PDCD1LG2: variants seen among roughly 807,000 people sequenced by gnomAD.
The protein encoded by PDCD1LG2 is programmed cell death 1 ligand 2.
PDCD1LG2 carries 32 observed loss-of-function variants against 28.2 expected under a neutral mutation model. The observed-to-expected ratio is 1.13, with a 90% CI of 0.86 to 1.52. The LOEUF (loss-of-function observed/expected upper bound fraction) is 1.52. Among genes scored for constraint, PDCD1LG2 ranks in the 40% most tolerant of loss-of-function variants. PDCD1LG2 has a pLI of 0.00. For missense variants in PDCD1LG2, 385 were observed against 323.8 expected, an observed-to-expected ratio of 1.19 and a Z score of -1.45; for synonymous variants, 116 against 120.2, an observed-to-expected ratio of 0.97 and a Z score of 0.23.
At chr9:5,518,243 A>G (rs1482811962) in intron 1 of PDCD1LG2, among the ~76,000 whole-genome samples, 1 of 152,254 alleles carries the variant, frequency 6.6e-6, no homozygotes, top group African/African-American at 2.4e-5. Context: ...TACTCATTGC[A>G]TAAACCATAT....
rs1200282497 is a variant in PDCD1LG2 at position 5,569,950 on chromosome 9, C to G, written c.817-4C>G. 1.2e-6 allele frequency: 2 copies of G among 1,613,716 alleles called. No homozygotes were observed. The highest frequency in any genetic ancestry group is 1.7e-6 in the Non-Finnish European group (2 of 1,179,742). ...TTTTCTTATTTGTGGGCTTTTCTCC[C>G]CAGATCTGAACCTGTGGTCTTGGGA... is the stretch of plus-strand genomic sequence containing the variant. On this transcript the variant is annotated splice_polypyrimidine_tract_variant and splice_region_variant and intron_variant, in intron 6 of 6. Transcript: ENST00000397747. This position sits in a 1 kb window ranked among gnomAD's most constrained non-coding sequence, Gnocchi z 4.1.
At chr9:5,547,885 C>A (rs1351917702) in intron 3 of PDCD1LG2, among the ~76,000 whole-genome samples, 5 of 150,130 alleles carry the variant, frequency 3.3e-5, no homozygotes, top group African/African-American at 1.2e-4. Context: ...TTGCAGTGAG[C>A]CGAGATCACG....
intron 1 of PDCD1LG2, among the ~76,000 whole-genome samples, chr9:5,512,197 T>C (rs1313693561): frequency 6.6e-6 from 1 of 152,210 alleles, no homozygotes; most frequent in East Asian, 1.9e-4. Context: ...TCTTAATTGT[T>C]GCATACGTGG....
chr9:5,543,731 GGT>G (rs1432551322), intron 3 of PDCD1LG2, among the ~76,000 whole-genome samples: 2 of 152,036 alleles, frequency 1.3e-5, no homozygotes, highest in Non-Finnish European at 2.9e-5. Context: ...GAAACAGAAG[GGT>G]GTAAGAAAAT....
chr9:5,561,117 G>A (rs1004742430), intron 5 of PDCD1LG2, among the ~76,000 whole-genome samples: 4 of 152,118 alleles, frequency 2.6e-5, no homozygotes, highest in African/African-American at 9.7e-5. Flanking sequence ...ACTATATGCA[G>A]GTGAGTATGC....
chr9:5,567,345 A>C (rs1816685817), intron 6 of PDCD1LG2, among the ~76,000 whole-genome samples: 1 of 152,224 alleles, frequency 6.6e-6, no homozygotes, highest in Non-Finnish European at 1.5e-5. Flanking sequence ...TAGAACTCAG[A>C]CCCACTGAGT....
intron 2 of PDCD1LG2, among the ~76,000 whole-genome samples, chr9:5,534,258 A>G (rs1820536574): frequency 6.6e-6 from 1 of 152,188 alleles, no homozygotes; most frequent in African/African-American, 2.4e-5. Flanking sequence ...ACAAAAATAT[A>G]TGGATTAATC....
intron 5 of PDCD1LG2, among the ~76,000 whole-genome samples, chr9:5,560,795 C>T (rs1816543396): frequency 6.6e-6 from 1 of 152,144 alleles, no homozygotes; most frequent in African/African-American, 2.4e-5. Flanking sequence ...CCCACCTATA[C>T]CTCAGTGACT....
At chr9:5,512,129 C>A (rs115575749) in intron 1 of PDCD1LG2, among the ~76,000 whole-genome samples, 231 of 152,288 alleles carry the variant, frequency 1.5e-3, no homozygotes, top group African/African-American at 5.2e-3. Flanking sequence ...GGACAGCAAC[C>A]AGTAGATTGT....
At chr9:5,543,413 C>T (rs1339699837) in intron 3 of PDCD1LG2, among the ~76,000 whole-genome samples, 1 of 152,064 alleles carries the variant, frequency 6.6e-6, no homozygotes, top group Non-Finnish European at 1.5e-5. Flanking sequence ...GTGGCAGGCA[C>T]CTGCAGTCGC....
At chr9:5,553,663 C>T (rs1586815934) in intron 4 of PDCD1LG2, among the ~76,000 whole-genome samples, 1 of 152,224 alleles carries the variant, frequency 6.6e-6, no homozygotes, top group Non-Finnish European at 1.5e-5. Context: ...GGCCACTCCA[C>T]TCTCTTCATG....
Position 5,569,934 on chromosome 9 carries a change from T to C in PDCD1LG2, c.817-20T>C. ...AATCATAAAAAATGATTTTTCTTAT[T>C]TGTGGGCTTTTCTCCCCAGATCTGA... On this transcript the variant is annotated intron_variant, in intron 6 of 6. Coordinates refer to ENST00000397747, the MANE Select transcript of PDCD1LG2 (RefSeq NM_025239.4). This position sits in a 1 kb window ranked among gnomAD's most constrained non-coding sequence, Gnocchi z 4.1. 1 of 1,613,312 alleles carries C rather than the reference T, an allele frequency of 6.2e-7. No homozygotes were observed. Among genetic ancestry groups the C allele is most frequent in the Non-Finnish European group, 8.5e-7 (1 of 1,179,396 alleles).
At chr9:5,565,322 CAG>C (rs1816643167) in intron 6 of PDCD1LG2, among the ~76,000 whole-genome samples, 1 of 152,172 alleles carries the variant, frequency 6.6e-6, no homozygotes, top group Non-Finnish European at 1.5e-5. Context: ...GCTGGGACTA[CAG>C]GTGCATGCCA....
At chr9:5,528,029 C>A (rs1820411825) in intron 2 of PDCD1LG2, among the ~76,000 whole-genome samples, 1 of 151,614 alleles carries the variant, frequency 6.6e-6, no homozygotes, top group East Asian at 1.9e-4. Flanking sequence ...GGGGTTTTGC[C>A]ATATTGACCA....
rs544940938 is a variant in PDCD1LG2 at position 5,535,635 on chromosome 9, AT to A, written c.361+595del. ...GTGTGCGTGTTGGGTCATGGTATAA[AT>A]TTTTTTTTTCTTACTTTGGATCATA... On this transcript the variant is annotated intron_variant, in intron 3 of 6. Coordinates refer to ENST00000397747, the MANE Select transcript of PDCD1LG2 (RefSeq NM_025239.4). Among the ~76,000 whole-genome samples, 182 of 150,826 alleles carry A rather than the reference AT, an allele frequency of 1.2e-3. 1 individual carries two copies. The highest frequency in any genetic ancestry group is 3.8e-3 in the South Asian group (18 of 4,748).
intron 1 of PDCD1LG2, among the ~76,000 whole-genome samples, chr9:5,513,674 A>G (rs1345956781): frequency 3.3e-5 from 5 of 152,258 alleles, no homozygotes; most frequent in African/African-American, 1.2e-4. Flanking sequence ...TCTTAAGGCT[A>G]CTGGTAGTCT....
chr9:5,559,123 G>A (rs536665733), intron 5 of PDCD1LG2, among the ~76,000 whole-genome samples: 85 of 152,268 alleles, frequency 5.6e-4, no homozygotes, highest in African/African-American at 1.8e-3. Context: ...AGAATGGAAT[G>A]GAGTCACACT....
intron 4 of PDCD1LG2, among the ~76,000 whole-genome samples, chr9:5,554,900 C>T (rs1476868115): frequency 6.6e-6 from 1 of 152,114 alleles, no homozygotes; most frequent in Non-Finnish European, 1.5e-5. Flanking sequence ...CTCAGTCTCT[C>T]ATGTGTAGCA....
In PDCD1LG2 at chr9:5,569,675, G is replaced by C. The variant is rs1816734354; in HGVS notation, c.817-279G>C. Among the ~76,000 whole-genome samples the C allele has an allele frequency of 6.6e-6, 1 of 152,160 alleles. No homozygotes were observed. On this transcript the variant is annotated intron_variant, in intron 6 of 6. Coordinates refer to ENST00000397747, the MANE Select transcript of PDCD1LG2 (RefSeq NM_025239.4). This position sits in a 1 kb window ranked among gnomAD's most constrained non-coding sequence, Gnocchi z 4.1. ...CTATAAGAGGTTTTGAATAGGAGAGGCCCCTGAAATGTGCTCCAATATTAC... is the reference window on the plus strand; with the variant it reads ...CTATAAGAGGTTTTGAATAGGAGAGCCCCCTGAAATGTGCTCCAATATTAC...
Sources: allele counts gnomAD v4.1 joint callset (sites outside exome capture counted in the v4.1 genomes callset), GRCh38; gene constraint gnomAD v4.1.1; non-coding constraint Gnocchi (gnomAD v3.1); transcripts MANE v1.5; gene names NCBI Gene and HGNC (gene_info 2026-07-23, HGNC 2026-07-21).